SLC6A12: variants seen among roughly 807,000 people sequenced by gnomAD.
The protein encoded by SLC6A12 is solute carrier family 6 member 12, also known as sodium- and chloride-dependent betaine transporter.
SLC6A12 carries 50 observed loss-of-function variants against 73.3 expected under a neutral mutation model. That is an observed-to-expected ratio of 0.68 (90% CI 0.54 to 0.86). SLC6A12 has a LOEUF of 0.86. SLC6A12 is among the 40% of genes least tolerant of loss of function. The pLI, the probability that SLC6A12 is intolerant of heterozygous loss-of-function variation, is 0.00. For synonymous variants in SLC6A12, 304 were observed against 309.2 expected (o/e 0.98, Z 0.18); for missense variants, 648 against 772.8 (o/e 0.84, Z 1.92).
chr12:196,189 G>A lies in SLC6A12; in HGVS notation c.1261C>T (p.Arg421Cys), dbSNP rs766025879. ...GCGATGGTGAGGATGAGGAGCTCGCGCCGCCCGCTCTTCCGGAGCTGCCTG... is the reference window on the plus strand; with the variant it reads ...GCGATGGTGAGGATGAGGAGCTCGCACCGCCCGCTCTTCCGGAGCTGCCTG... ...FPRQLRKSGR[R>C]ELLILTIAVM... The change falls in exon 12 of 16, where the codon CGC becomes TGC. Residue 421 changes from arginine (R) to cysteine (C), a missense_variant. By Grantham distance (180) the Arg-to-Cys change is radical. Transcript: ENST00000684302. 23 of 1,585,268 alleles carry A rather than the reference G, an allele frequency of 1.5e-5. No homozygotes were observed. The highest frequency in any genetic ancestry group is 6.9e-5 in the South Asian group (6 of 86,484).
chr12:206,452 A>G (rs1215962602), intron 3 of SLC6A12, among the ~76,000 whole-genome samples: 1 of 152,216 alleles, frequency 6.6e-6, no homozygotes, highest in Non-Finnish European at 1.5e-5. Context: ...GTGTGAACCT[A>G]CCACTTTCTG....
downstream of SLC6A12, among the ~76,000 whole-genome samples, chr12:187,566 C>A: frequency 8.7e-6 from 1 of 114,860 alleles, no homozygotes; most frequent in Non-Finnish European, 1.8e-5. Flanking sequence ...CAGTGAGCAG[C>A]AGCAAGATTT....
intron 13 of SLC6A12, among the ~76,000 whole-genome samples, chr12:194,693 T>C (rs1336108661): frequency 6.6e-6 from 1 of 152,186 alleles, no homozygotes; most frequent in African/African-American, 2.4e-5. Flanking sequence ...GCTATCTCAG[T>C]CTGAGGGGGC....
intron 6 of SLC6A12, 29 bp from the exon 7 acceptor site, chr12:200,812 G>A (rs756135449): frequency 1.9e-6 from 3 of 1,609,000 alleles, no homozygotes; most frequent in Non-Finnish European, 2.5e-6. Flanking sequence ...TAAGTAATGA[G>A]GGGAAAGGCT....
At chr12:204,213 G>C (rs9783494) in intron 4 of SLC6A12, 28,524 of 263,706 alleles carry the variant, frequency 0.11, 2,278 homozygotes, top group African/African-American at 0.22. Flanking sequence ...ACAGCACCCC[G>C]GGAGCACCCA....
At chr12:206,125 C>G (rs1263755043) in intron 3 of SLC6A12, among the ~76,000 whole-genome samples, 11 of 152,162 alleles carry the variant, frequency 7.2e-5, no homozygotes, top group Admixed American at 7.2e-4. Flanking sequence ...GTATACAGTT[C>G]AGTGGCATTA....
chr12:209,940 G>A lies in SLC6A12; in HGVS notation c.47C>T (p.Ser16Phe), dbSNP rs1940834766. ...AVQECGPPAV[S>F]WVPEEGEKLD... The stretch of plus-strand genomic sequence containing the variant: ...CTTCTCTCCCTCCTCGGGGACCCAG[G>A]AGACTGCAGGAGGCCCACACTCTTG... Residue 16 changes from serine (S) to phenylalanine (F), a missense_variant, in exon 3 of 16, where the codon TCC becomes TTC. Ser to Phe is a radical substitution (Grantham distance 155). Coordinates refer to ENST00000684302, the MANE Select transcript of SLC6A12 (RefSeq NM_001122848.3). 1.2e-6 allele frequency: 2 copies of A among 1,614,044 alleles called. No individual in the cohort carries two copies. The highest frequency in any genetic ancestry group is 8.5e-7 in the Non-Finnish European group (1 of 1,180,026).
At position 196,178 on chromosome 12, in the gene SLC6A12, G is replaced by A. The variant is rs1332657219; in HGVS notation, c.1272C>T (p.Leu424=). The change falls in exon 12 of 16, where the codon CTC becomes CTT. Residue 424 remains leucine, a synonymous_variant. Transcript: ENST00000684302. The part of the protein sequence containing the change: ...QLRKSGRREL[L]ILTIAVMCYL... Reference sequence around the variant, plus strand: ...AGCACATGACGGCGATGGTGAGGATGAGGAGCTCGCGCCGCCCGCTCTTCC... The same window carrying A: ...AGCACATGACGGCGATGGTGAGGATAAGGAGCTCGCGCCGCCCGCTCTTCC... 2 of 1,579,996 alleles carry A rather than the reference G, an allele frequency of 1.3e-6. No homozygotes were observed. The highest frequency in any genetic ancestry group is 4.6e-5 in the East Asian group (2 of 43,878).
At chr12:205,786 G>A (rs1006152047) in intron 3 of SLC6A12, among the ~76,000 whole-genome samples, 7 of 152,182 alleles carry the variant, frequency 4.6e-5, no homozygotes, top group African/African-American at 1.4e-4. Flanking sequence ...TACATTGTTT[G>A]ATAACCACTT....
At chr12:185,128 T>A (rs1270650498), downstream of SLC6A12, among the ~76,000 whole-genome samples, 1 of 152,126 alleles carries the variant, frequency 6.6e-6, no homozygotes, top group East Asian at 1.9e-4. Context: ...TAAAACACCC[T>A]AAAGAACCAA....
Position 198,143 on chromosome 12 carries a change from T to C in SLC6A12, c.847-140A>G, listed in dbSNP as rs1591788035. On this transcript the variant is annotated intron_variant, in intron 8 of 15. Coordinates refer to ENST00000684302, the MANE Select transcript of SLC6A12 (RefSeq NM_001122848.3). This position sits in a 1 kb window ranked among gnomAD's most constrained non-coding sequence, Gnocchi z 4.0. ...GCGCTTCCCTCCTGCATCCCAACTC[T>C]CCGTGAGTGCGCCCTCCGGTCTCCA... 1 of 654,222 alleles carries C rather than the reference T, an allele frequency of 1.5e-6. No individual in the cohort carries two copies. Among genetic ancestry groups the C allele is most frequent in the East Asian group, 2.7e-5 (1 of 36,776 alleles). The allele number at this position is 654,222 out of a possible 1,614,324, so 40.5% of individuals were successfully genotyped here.
chr12:198,589 T>G lies in SLC6A12; in HGVS notation c.846+208A>C. 1.9e-6 allele frequency: 1 copy of G among 515,262 alleles called. No individual in the cohort carries two copies. Among genetic ancestry groups the G allele is most frequent in the South Asian group, 3.2e-5 (1 of 31,196 alleles). 31.9% of individuals were successfully genotyped at this position (515,262 alleles called of 1,614,324 possible). A position where few individuals can be genotyped will look rare whatever the true frequency, so the allele number is the denominator to read the frequency against. On this transcript the variant is annotated intron_variant, in intron 8 of 15. Transcript: ENST00000684302. The surrounding 1 kb of genome is among the most constrained non-coding windows in gnomAD (Gnocchi z 4.0). Reference sequence around the variant, plus strand: ...TCTCTAAGTAAGAGAAAAAAAATTTTTTAAGAAAAAAAGTTATATTTGAGT... The same window carrying G: ...TCTCTAAGTAAGAGAAAAAAAATTTGTTAAGAAAAAAAGTTATATTTGAGT...
Position 196,243 on chromosome 12 carries a change from G to C in SLC6A12, c.1207C>G (p.Leu403Val). The change falls in exon 12 of 16, where the codon CTG becomes GTG. Residue 403 changes from leucine to valine, a missense_variant. By Grantham distance (32) the Leu-to-Val change is conservative. Transcript: ENST00000684302. ...LDSQFVCVEC[L>V]VTASIDMFPR... is the part of the protein sequence containing the mutation. ...AACATGTCTATGGAGGCTGTCACCA[G>C]GCACTCCACACAGACAAACTGTGGG... is the stretch of plus-strand genomic sequence containing the variant. The C allele has an allele frequency of 6.2e-7, 1 of 1,607,626 alleles. No homozygotes were observed. Among genetic ancestry groups the C allele is most frequent in the Non-Finnish European group, 8.5e-7 (1 of 1,178,178 alleles).
At chr12:204,151 C>T (rs1399915882) in intron 4 of SLC6A12, 1 of 213,356 alleles carries the variant, frequency 4.7e-6, no homozygotes. Flanking sequence ...GACATTTACA[C>T]GACTGCTGGG....
In SLC6A12 at chr12:198,094, G is replaced by T; in HGVS notation, c.847-91C>A. 2.0e-6 allele frequency: 2 copies of T among 992,696 alleles called. No individual in the cohort carries two copies. Among genetic ancestry groups the T allele is most frequent in the Non-Finnish European group, 3.1e-6 (2 of 635,668 alleles). The allele number at this position is 992,696 out of a possible 1,614,324, so 61.5% of individuals were successfully genotyped here. On this transcript the variant is annotated intron_variant, in intron 8 of 15. Transcript: ENST00000684302. This position sits in a 1 kb window ranked among gnomAD's most constrained non-coding sequence, Gnocchi z 4.0. The stretch of plus-strand genomic sequence containing the variant: ...TCCAGACCCGTCCCCTGCAGCACCA[G>T]CCTGGCCCCTCAGTGCTCCCTGAGC...
In SLC6A12 at chr12:198,110, C is replaced by G. The variant is rs77323566; in HGVS notation, c.847-107G>C. ...GCAGCACCAGCCTGGCCCCTCAGTG[C>G]TCCCTGAGCGCTTCCCTCCTGCATC... On this transcript the variant is annotated intron_variant, in intron 8 of 15. Transcript: ENST00000684302. The surrounding 1 kb of genome is among the most constrained non-coding windows in gnomAD (Gnocchi z 4.0). 0.02 allele frequency: 16,014 copies of G among 813,520 alleles called. 244 individuals are homozygous for G. Among genetic ancestry groups the G allele is most frequent in the Middle Eastern group, 0.07 (301 of 4,300 alleles). 50.4% of individuals were successfully genotyped at this position (813,520 alleles called of 1,614,324 possible). A position where few individuals can be genotyped will look rare whatever the true frequency, so the allele number is the denominator to read the frequency against.
downstream of SLC6A12, among the ~76,000 whole-genome samples, chr12:186,872 C>T (rs1591771985): frequency 1.3e-5 from 2 of 152,314 alleles, no homozygotes; most frequent in African/African-American, 4.8e-5. Context: ...CCGGAGCAGG[C>T]TGGAGCCTGT....
chr12:204,990 C>G, intron 3 of SLC6A12: 1 of 311,900 alleles, frequency 3.2e-6, no homozygotes, highest in East Asian at 5.7e-5. Context: ...TCTTAGTGTG[C>G]TTTACAAATC....
chr12:199,403 T>A (rs1940093551), intron 7 of SLC6A12, among the ~76,000 whole-genome samples: 1 of 152,214 alleles, frequency 6.6e-6, no homozygotes, highest in African/African-American at 2.4e-5. Context: ...CCTTGCCCCC[T>A]GGCGACCCAG....
Sources: gnomAD v4.1 joint callset for allele counts (sites outside exome capture counted in the v4.1 genomes callset) on GRCh38, gnomAD v4.1.1 for gene constraint, Gnocchi (gnomAD v3.1) non-coding constraint, MANE v1.5 for transcripts, NCBI Gene and HGNC (gene_info 2026-07-23, HGNC 2026-07-21) for gene names.